DPP6: variants seen among roughly 807,000 people sequenced by gnomAD.
DPP6 encodes the protein dipeptidyl peptidase like 6.
In DPP6, 69 loss-of-function variants were observed where a neutral mutation model predicts 122.6. The observed-to-expected ratio is 0.56, with a 90% CI of 0.46 to 0.69. The LOEUF is 0.69. DPP6 is among the 30% of genes least tolerant of loss of function. The pLI, the probability that DPP6 is intolerant of heterozygous loss-of-function variation, is 0.00. For missense variants in DPP6, 928 were observed against 1,116.9 expected (o/e 0.83, Z 2.41); for synonymous variants, 418 against 433.1 (o/e 0.97, Z 0.43).
At chr7:154,870,289 G>A (rs1313509491) in intron 18 of DPP6, among the ~76,000 whole-genome samples, 1 of 151,930 alleles carries the variant, frequency 6.6e-6, no homozygotes, top group Non-Finnish European at 1.5e-5. Flanking sequence ...GCCTAGAGGA[G>A]GAAGAAGAGA....
chr7:154,867,493 T>G (rs920924318), intron 17 of DPP6, among the ~76,000 whole-genome samples: 1 of 152,224 alleles, frequency 6.6e-6, no homozygotes, highest in African/African-American at 2.4e-5. Flanking sequence ...TTAAGGTCTC[T>G]CCAGAGACCA....
In DPP6 at chr7:154,772,325, G is replaced by A. The variant is rs575688735; in HGVS notation, c.1039-520G>A. ...AAGTGAGAACATCAGACAACACCCC[G>A]AAGTCCCCCTAAAGAGGAAGCCCCA... On this transcript the variant is annotated intron_variant, in intron 9 of 25. Coordinates refer to ENST00000377770, the MANE Select transcript of DPP6 (RefSeq NM_130797.4). Among the ~76,000 whole-genome samples the A allele has an allele frequency of 2.1e-4, 32 of 152,176 alleles. No individual in the cohort carries two copies. In the East Asian group the frequency reaches 5.2e-3, roughly 25 times the overall value.
intron 1 of DPP6, among the ~76,000 whole-genome samples, chr7:154,220,206 T>C (rs1037474173): frequency 1.2e-4 from 18 of 152,142 alleles, no homozygotes; most frequent in African/African-American, 4.3e-4. Context: ...CTGCCATCCT[T>C]AATGGGATTA....
At chr7:153,800,660 G>A in the DPP6 span, among the ~76,000 whole-genome samples, 1 of 151,992 alleles carries the variant, frequency 6.6e-6, no homozygotes, top group Non-Finnish European at 1.5e-5. Flanking sequence ...GAGACTACAG[G>A]CATGCACCAC....
intron 8 of DPP6, among the ~76,000 whole-genome samples, chr7:154,741,041 A>G (rs1266057536): frequency 6.6e-6 from 1 of 152,176 alleles, no homozygotes; most frequent in Non-Finnish European, 1.5e-5. Flanking sequence ...AGCTCCCTGC[A>G]CTTGCAGGCG....
At chr7:154,405,179 C>T (rs1161478825) in intron 1 of DPP6, among the ~76,000 whole-genome samples, 2 of 152,068 alleles carry the variant, frequency 1.3e-5, no homozygotes, top group Non-Finnish European at 2.9e-5. Context: ...GAAACTATGA[C>T]TTGGAGAGTT....
chr7:153,860,553 C>T, the DPP6 span, among the ~76,000 whole-genome samples: 17 of 152,082 alleles, frequency 1.1e-4, no homozygotes, highest in Admixed American at 9.8e-4. Context: ...TCTCCTTCTG[C>T]ATCTTCCTCA....
chr7:154,851,535 A>G (rs538687790), intron 16 of DPP6, among the ~76,000 whole-genome samples: 3 of 152,332 alleles, frequency 2.0e-5, no homozygotes, highest in South Asian at 4.1e-4. Context: ...CTTAGAGCCA[A>G]GAAACTTAGT....
At chr7:154,583,443 G>A (rs564084091) in intron 5 of DPP6, among the ~76,000 whole-genome samples, 1 of 152,276 alleles carries the variant, frequency 6.6e-6, no homozygotes, top group South Asian at 2.1e-4. Flanking sequence ...TGGCCACTTA[G>A]GAGGTCCTCA....
Position 154,432,552 on chromosome 7 carries a change from A to G in DPP6, c.244-13662A>G, listed in dbSNP as rs377516841. Among the ~76,000 whole-genome samples the G allele has an allele frequency of 1.6e-3, 249 of 152,280 alleles. 2 individuals carry two copies. The highest frequency in any genetic ancestry group is 5.7e-3 in the African/African-American group (238 of 41,546). ...GGGGGAAACACACACCCCCTTCTCC[A>G]TCGGGACCGAAACTGCTCTTGTCCG... On this transcript the variant is annotated intron_variant, in intron 1 of 25. Coordinates refer to ENST00000377770, the MANE Select transcript of DPP6 (RefSeq NM_130797.4).
chr7:154,767,950 G>A (rs528299947), intron 8 of DPP6, among the ~76,000 whole-genome samples: 4 of 152,296 alleles, frequency 2.6e-5, no homozygotes, highest in South Asian at 2.1e-4. Flanking sequence ...ACAGGGGAGC[G>A]AGGCTCAATG....
At chr7:154,004,964 G>A (rs1029948775) in intron 1 of DPP6, among the ~76,000 whole-genome samples, 11 of 151,940 alleles carry the variant, frequency 7.2e-5, no homozygotes, top group East Asian at 1.9e-4. Flanking sequence ...ATGATAGTCC[G>A]TTATGTCAAA....
At chr7:154,203,502 C>G (rs1005292958) in intron 1 of DPP6, among the ~76,000 whole-genome samples, 10 of 152,188 alleles carry the variant, frequency 6.6e-5, no homozygotes, top group African/African-American at 2.4e-4. Context: ...CTCTGCACAG[C>G]TGTCACATCC....
At chr7:154,675,098 C>T (rs1341243757) in intron 7 of DPP6, among the ~76,000 whole-genome samples, 2 of 152,082 alleles carry the variant, frequency 1.3e-5, no homozygotes, top group Non-Finnish European at 2.9e-5. Context: ...TCAATAAATC[C>T]GCATTTAAAT....
intron 8 of DPP6, among the ~76,000 whole-genome samples, chr7:154,746,630 A>G (rs1052152259): frequency 6.6e-6 from 1 of 152,244 alleles, no homozygotes; most frequent in Non-Finnish European, 1.5e-5. Flanking sequence ...TCACCCAAAA[A>G]GCATTAGGAG....
intron 1 of DPP6, among the ~76,000 whole-genome samples, chr7:153,965,031 C>CCTTCCTTCCTTCCTTCCTTCCTTT (rs1373802306): frequency 3.3e-5 from 4 of 120,110 alleles, no homozygotes; most frequent in African/African-American, 1.3e-4. Context: ...TTCCTTCCTT[C>CCTTCCTTCCTTCCTTCCTTCCTTT]CTTTCTTTCT....
chr7:153,898,008 G>A (rs1258100572), intron 1 of DPP6, among the ~76,000 whole-genome samples: 1 of 152,354 alleles, frequency 6.6e-6, no homozygotes, highest in East Asian at 1.9e-4. Context: ...CAAATACCTG[G>A]AGGATGTGAA....
chr7:154,152,411 C>T (rs1027024994), intron 1 of DPP6, among the ~76,000 whole-genome samples: 22 of 152,220 alleles, frequency 1.4e-4, no homozygotes, highest in Non-Finnish European at 2.8e-4. Context: ...CAGCCTGACT[C>T]TTCCCAAGAC....
chr7:154,140,198 C>G (rs76743915), intron 1 of DPP6, among the ~76,000 whole-genome samples: 1 of 152,194 alleles, frequency 6.6e-6, no homozygotes, highest in African/African-American at 2.4e-5. Flanking sequence ...CTAACCTACT[C>G]CAACCAGAGA....
Sources: gnomAD v4.1 joint callset for allele counts (sites outside exome capture counted in the v4.1 genomes callset) on GRCh38, gnomAD v4.1.1 for gene constraint, MANE v1.5 for transcripts, NCBI Gene and HGNC (gene_info 2026-07-23, HGNC 2026-07-21) for gene names.